Variants in STARD13 observed in about 807,000 individuals in gnomAD.
The protein encoded by STARD13 is StAR related lipid transfer domain containing 13.
STARD13 carries 62 observed loss-of-function variants against 106.4 expected under a neutral mutation model. The observed-to-expected ratio is 0.58, with a 90% CI of 0.48 to 0.72. The LOEUF (loss-of-function observed/expected upper bound fraction) is 0.72. STARD13 is among the 30% of genes least tolerant of loss of function. The pLI is 0.00. For synonymous variants in STARD13, 565 were observed against 553.0 expected (o/e 1.02, Z -0.31); for missense variants, 1,387 against 1,424.0 (o/e 0.97, Z 0.42).
chr13:33,458,229 CACTT>C, the STARD13 span, among the ~76,000 whole-genome samples: 1 of 151,490 alleles, frequency 6.6e-6, no homozygotes, highest in South Asian at 2.1e-4. Context: ...TAAAAGTTAT[CACTT>C]AAAGTTGAAA....
intron 7 of STARD13, among the ~76,000 whole-genome samples, chr13:33,118,479 G>T (rs922457803): frequency 1.3e-5 from 2 of 152,224 alleles, no homozygotes; most frequent in African/African-American, 4.8e-5. Context: ...TTACTGTGGA[G>T]AGTAAGTGAG....
chr13:33,264,808 G>A (rs148850034), intron 1 of STARD13, among the ~76,000 whole-genome samples: 1 of 152,252 alleles, frequency 6.6e-6, no homozygotes, highest in East Asian at 1.9e-4. Context: ...GAAGTTACGG[G>A]AATGGGTGTG....
chr13:33,481,814 C>A, the STARD13 span, among the ~76,000 whole-genome samples: 3 of 151,276 alleles, frequency 2.0e-5, no homozygotes, highest in East Asian at 5.9e-4. Flanking sequence ...CCTGTCTCTA[C>A]TAAAAATACA....
chr13:33,299,208 T>C (rs1429312630), intron 1 of STARD13, among the ~76,000 whole-genome samples: 1 of 152,222 alleles, frequency 6.6e-6, no homozygotes, highest in African/African-American at 2.4e-5. Flanking sequence ...GTACATTCTA[T>C]AATGTTCACA....
chr13:33,393,448 C>A, the STARD13 span, among the ~76,000 whole-genome samples: 1 of 152,180 alleles, frequency 6.6e-6, no homozygotes, highest in Non-Finnish European at 1.5e-5. Context: ...TAGCTCCAAT[C>A]TTTTGGTACT....
chr13:33,371,507 T>C, the STARD13 span, among the ~76,000 whole-genome samples: 1 of 152,244 alleles, frequency 6.6e-6, no homozygotes, highest in Non-Finnish European at 1.5e-5. Context: ...ACAGGGTTTC[T>C]CTAATTAAAA....
the STARD13 span, among the ~76,000 whole-genome samples, chr13:33,416,672 A>C: frequency 6.6e-6 from 1 of 152,218 alleles, no homozygotes; most frequent in Non-Finnish European, 1.5e-5. Context: ...CCTTCTCTAG[A>C]CCACACACAA....
At chr13:33,527,387 A>C in the STARD13 span, among the ~76,000 whole-genome samples, 1 of 152,114 alleles carries the variant, frequency 6.6e-6, no homozygotes, top group Non-Finnish European at 1.5e-5. Context: ...GTAATAGTCT[A>C]CTACAGTCAA....
chr13:33,480,601 G>A, the STARD13 span, among the ~76,000 whole-genome samples: 2 of 152,086 alleles, frequency 1.3e-5, no homozygotes, highest in South Asian at 2.1e-4. Flanking sequence ...ACAGATATAT[G>A]ATTACAGCAG....
chr13:33,359,164 A>G, the STARD13 span, among the ~76,000 whole-genome samples: 1 of 152,000 alleles, frequency 6.6e-6, no homozygotes, highest in Non-Finnish European at 1.5e-5. Flanking sequence ...CGCTCTTTGC[A>G]ATAAATTTTG....
intron 1 of STARD13, among the ~76,000 whole-genome samples, chr13:33,323,489 C>A (rs1407821276): frequency 2.6e-5 from 4 of 152,088 alleles, no homozygotes; most frequent in Admixed American, 2.6e-4. Context: ...TGTGATCTAC[C>A]CCCTAGACGG....
chr13:33,491,836 T>G, the STARD13 span, among the ~76,000 whole-genome samples: 2 of 151,740 alleles, frequency 1.3e-5, no homozygotes, highest in Non-Finnish European at 3.0e-5. Context: ...GAACCTCTGG[T>G]AGTGAAATGA....
intron 13 of STARD13, among the ~76,000 whole-genome samples, chr13:33,106,551 A>G (rs1165359125): frequency 6.6e-6 from 1 of 152,224 alleles, no homozygotes; most frequent in Non-Finnish European, 1.5e-5. Context: ...ATAAAGAAAG[A>G]CAAACAGTTG....
At chr13:33,263,031 A>T (rs1367321154) in intron 1 of STARD13, among the ~76,000 whole-genome samples, 1 of 152,190 alleles carries the variant, frequency 6.6e-6, no homozygotes, top group Non-Finnish European at 1.5e-5. Flanking sequence ...CTGGCTCATC[A>T]CTTACTAGTC....
chr13:33,309,007 G>C (rs1484221900), intron 1 of STARD13, among the ~76,000 whole-genome samples: 2 of 152,154 alleles, frequency 1.3e-5, no homozygotes, highest in Non-Finnish European at 2.9e-5. Context: ...CTCTTAGTAG[G>C]CTCTCTCATA....
intron 8 of STARD13, chr13:33,113,445 C>T (rs188572367): frequency 9.9e-4 from 460 of 465,696 alleles, no homozygotes; most frequent in Non-Finnish European, 1.8e-3. Context: ...GGCCATGATG[C>T]CAGTGCTGCA....
chr13:33,257,290 G>C (rs1007311646), intron 1 of STARD13, among the ~76,000 whole-genome samples: 1 of 152,126 alleles, frequency 6.6e-6, no homozygotes, highest in Non-Finnish European at 1.5e-5. Flanking sequence ...CTGCTACCAA[G>C]GACATCAGTA....
the STARD13 span, chr13:33,661,305 G>A: frequency 6.6e-6 from 1 of 152,242 alleles, no homozygotes; most frequent in Admixed American, 6.5e-5. Context: ...TTTGGAAGCA[G>A]AAGCAGACTT....
the STARD13 span, among the ~76,000 whole-genome samples, chr13:33,413,298 C>T: frequency 1.3e-5 from 2 of 151,888 alleles, no homozygotes; most frequent in Non-Finnish European, 2.9e-5. Context: ...TAAATGCATA[C>T]ATTAGAAATG....
Sources: allele counts gnomAD v4.1 joint callset (sites outside exome capture counted in the v4.1 genomes callset), GRCh38; gene constraint gnomAD v4.1.1; transcripts MANE v1.5; gene names NCBI Gene and HGNC (gene_info 2026-07-23, HGNC 2026-07-21).